Variants in SQLE observed in about 807,000 individuals in gnomAD.
SQLE encodes squalene monooxygenase.
SQLE carries 29 observed loss-of-function variants against 60.7 expected under a neutral mutation model. The ratio of observed to expected loss-of-function variants is 0.48; its 90% CI spans 0.36 to 0.65. The LOEUF (loss-of-function observed/expected upper bound fraction) is 0.65. Among genes scored for constraint, SQLE ranks in the 30% least tolerant of loss-of-function variants. SQLE has a pLI of 0.00. For synonymous variants in SQLE, 237 were observed against 246.8 expected (o/e 0.96, Z 0.37); for missense variants, 605 against 684.1 (o/e 0.88, Z 1.29).
At chr8:125,019,444 G>T (rs984528455) in intron 9 of SQLE, among the ~76,000 whole-genome samples, 1 of 149,520 alleles carries the variant, frequency 6.7e-6, no homozygotes, top group Middle Eastern at 3.2e-3. Context: ...GATCAGCAAG[G>T]CATGGTGGCG....
chr8:124,999,217 C>T lies in SQLE; in HGVS notation c.-187C>T, dbSNP rs1011658088. The T allele has an allele frequency of 5.5e-5, 28 of 513,582 alleles. No individual in the cohort carries two copies. The Middle Eastern group carries it at 2.1e-3, about 39-fold the overall frequency. The allele number at this position is 513,582 out of a possible 1,614,324, so 31.8% of individuals were successfully genotyped here. Reference sequence around the variant, plus strand: ...GCCCTATACAACTTGGCTTCACATACTTTTACACTAACTTTATATGATTTT... The same window carrying T: ...GCCCTATACAACTTGGCTTCACATATTTTTACACTAACTTTATATGATTTT... On this transcript the variant is annotated 5_prime_UTR_variant, in exon 1 of 11. Coordinates refer to ENST00000265896, the MANE Select transcript of SQLE (RefSeq NM_003129.4).
At chr8:125,004,206 C>T (rs900378363) in intron 2 of SQLE, among the ~76,000 whole-genome samples, 5 of 152,108 alleles carry the variant, frequency 3.3e-5, no homozygotes, top group African/African-American at 1.2e-4. Flanking sequence ...TCTTTTTAAG[C>T]CCAAGCATAG....
intron 7 of SQLE, among the ~76,000 whole-genome samples, chr8:125,015,194 T>C (rs1668129030): frequency 6.6e-6 from 1 of 152,208 alleles, no homozygotes; most frequent in South Asian, 2.1e-4. Flanking sequence ...TGAAATCTAT[T>C]TTACTGATGT....
rs1166925336 is a variant in SQLE, at chr8:125,003,411, A to G, written c.527A>G (p.Lys176Arg). Residue 176 changes from lysine to arginine, a missense_variant, in exon 2 of 11, where the codon AAA (lysine) becomes AGA (arginine). Transcript: ENST00000265896. ...FLQPGGYHVLKDLGLGDTVEG... is the reference protein window; with the variant it reads ...FLQPGGYHVLRDLGLGDTVEG... Reference sequence around the variant, plus strand: ...CAGCCGGGTGGTTATCATGTTCTCAAAGACCTTGGTCTTGGAGGTAGGTTC... The same window carrying G: ...CAGCCGGGTGGTTATCATGTTCTCAGAGACCTTGGTCTTGGAGGTAGGTTC... The G allele has an allele frequency of 1.2e-6, 2 of 1,613,962 alleles. No homozygotes were observed. The highest frequency in any genetic ancestry group is 1.7e-6 in the Non-Finnish European group (2 of 1,179,878).
intron 10 of SQLE, chr8:125,021,086 C>G (rs1815196799): frequency 4.1e-6 from 2 of 487,090 alleles, no homozygotes; most frequent in East Asian, 6.4e-5. Flanking sequence ...GTAGAGGAAG[C>G]TATAACCCTT....
intron 9 of SQLE, 87 bp from the exon 10 acceptor site, chr8:125,020,697 T>C: frequency 1.3e-6 from 1 of 798,992 alleles, no homozygotes; most frequent in Non-Finnish European, 2.1e-6. Context: ...AGATGTAGCG[T>C]TTGTTATTTC....
At chr8:125,015,189 T>C (rs1006900687) in intron 7 of SQLE, among the ~76,000 whole-genome samples, 5 of 152,222 alleles carry the variant, frequency 3.3e-5, no homozygotes, top group African/African-American at 1.2e-4. Flanking sequence ...TGTCTTGAAA[T>C]CTATTTTACT....
rs755016692 is a variant in SQLE, at chr8:125,005,712, C to T, written c.725+7C>T. ...CAGCTATGGCAGAGCCCAAGTAAGA[C>T]CACAGTTTCAAATATATAATTACTA... On this transcript the variant is annotated splice_region_variant and intron_variant, in intron 3 of 10. Coordinates refer to ENST00000265896, the MANE Select transcript of SQLE (RefSeq NM_003129.4). 42 of 1,539,534 alleles carry T rather than the reference C, an allele frequency of 2.7e-5. No homozygotes were observed. In the East Asian group the frequency reaches 8.8e-4, roughly 32 times the overall value.
At chr8:125,018,838 C>G (rs554789344) in intron 9 of SQLE, 111 bp downstream of exon 9, 1 of 721,424 alleles carries the variant, frequency 1.4e-6, no homozygotes, top group South Asian at 1.8e-5. Flanking sequence ...CCTGAGTTTG[C>G]TAACTCCCAA....
chr8:125,004,303 A>G (rs1814911827), intron 2 of SQLE, among the ~76,000 whole-genome samples: 1 of 152,168 alleles, frequency 6.6e-6, no homozygotes. Flanking sequence ...TTTTTAGGTA[A>G]CACTATAGTG....
rs754035459 is a variant in SQLE at position 125,007,488 on chromosome 8, G to A, written c.822+1G>A. The A allele has an allele frequency of 2.0e-6, 3 of 1,532,496 alleles. No individual in the cohort carries two copies. Among genetic ancestry groups the A allele is most frequent in the Non-Finnish European group, 2.6e-6 (3 of 1,135,572 alleles). The allele number at this position is 1,532,496 out of a possible 1,614,324, so 94.9% of individuals were successfully genotyped here. On this transcript the variant is annotated splice_donor_variant, in intron 4 of 10. Coordinates refer to ENST00000265896, the MANE Select transcript of SQLE (RefSeq NM_003129.4). LOFTEE classifies it high-confidence loss of function. The stretch of plus-strand genomic sequence containing the variant: ...GGATAAAGAGACTGGAGATATCAAG[G>A]TGAGAAATACCAAATGTCACCTCTT...
intron 10 of SQLE, 46 bp downstream of exon 10, chr8:125,020,917 A>AGG: frequency 1.5e-6 from 2 of 1,335,664 alleles, no homozygotes; most frequent in Non-Finnish European, 2.1e-6. Context: ...AGATTTTCTT[A>AGG]GGACTGTTCA....
intron 1 of SQLE, chr8:125,000,072 G>A: frequency 2.1e-6 from 1 of 467,774 alleles, no homozygotes; most frequent in Non-Finnish European, 4.2e-6. Context: ...CGTGCTGCGG[G>A]TAAGTCCACT....
chr8:125,013,407 C>T (rs1189164399), intron 7 of SQLE, among the ~76,000 whole-genome samples: 3 of 140,904 alleles, frequency 2.1e-5, no homozygotes, highest in South Asian at 2.2e-4. Flanking sequence ...GGCTGGAGTG[C>T]GATGGTGCGA....
rs899852957 is a variant in SQLE at position 124,999,769 on chromosome 8, A to C, written c.291+75A>C. The C allele has an allele frequency of 4.8e-6, 7 of 1,473,094 alleles. No individual in the cohort carries two copies. In the Admixed American group the frequency reaches 7.8e-5, roughly 16 times the overall value. 91.3% of individuals were successfully genotyped at this position (1,473,094 alleles called of 1,614,324 possible). A position where few individuals can be genotyped will look rare whatever the true frequency, so the allele number is the denominator to read the frequency against. On this transcript the variant is annotated intron_variant, in intron 1 of 10. Coordinates refer to ENST00000265896, the MANE Select transcript of SQLE (RefSeq NM_003129.4). ...TTGGGTTCACTCAAATATAAGTTTT[A>C]TTTGAATTGCAAAAGGCGGCAGGTT... is the stretch of plus-strand genomic sequence containing the variant.
At chr8:125,014,078 A>G (rs1190550008) in intron 7 of SQLE, among the ~76,000 whole-genome samples, 1 of 151,692 alleles carries the variant, frequency 6.6e-6, no homozygotes, top group East Asian at 1.9e-4. Flanking sequence ...AAGTCTAGTA[A>G]AACATACACT....
In SQLE at chr8:125,007,372, AT is replaced by A. The variant is rs149077875; in HGVS notation, c.726-10del. 972 of 1,460,674 alleles carry A rather than the reference AT, an allele frequency of 6.7e-4. No individual in the cohort carries two copies. The highest frequency in any genetic ancestry group is 1.4e-3 in the South Asian group (108 of 75,768). The allele number at this position is 1,460,674 out of a possible 1,614,324, so 90.5% of individuals were successfully genotyped here. ...CTGAAATGTGCTGCTTTAGAAATGT[AT>A]TTTTTTTTATTCTTTAGTGCAAAGT... On this transcript the variant is annotated intron_variant, in intron 3 of 10. Transcript: ENST00000265896.
chr8:125,009,018 G>A lies in SQLE; in HGVS notation c.870G>A (p.Lys290=). ...LTVVADGLFS[K]FRKSLVSNKV... ...TTGTTGCAGATGGGCTTTTCTCCAA[G>A]TTCAGGAAAAGCCTGGTCTCCAATA... is the stretch of plus-strand genomic sequence containing the variant. Residue 290 remains lysine (K), a synonymous_variant, in exon 5 of 11, where the codon AAG becomes AAA. Transcript: ENST00000265896. 6.3e-7 allele frequency: 1 copy of A among 1,598,180 alleles called. No homozygotes were observed. The highest frequency in any genetic ancestry group is 8.5e-7 in the Non-Finnish European group (1 of 1,174,446).
chr8:125,004,207 C>T (rs1407188841), intron 2 of SQLE, among the ~76,000 whole-genome samples: 1 of 152,036 alleles, frequency 6.6e-6, no homozygotes, highest in African/African-American at 2.4e-5. Flanking sequence ...CTTTTTAAGC[C>T]CAAGCATAGT....
Sources: allele counts gnomAD v4.1 joint callset (sites outside exome capture counted in the v4.1 genomes callset), GRCh38; gene constraint gnomAD v4.1.1; transcripts MANE v1.5; gene names NCBI Gene and HGNC (gene_info 2026-07-23, HGNC 2026-07-21).